Variants in GRIP1 observed in about 807,000 individuals in gnomAD.
GRIP1 encodes the protein glutamate receptor-interacting protein 1.
A neutral mutation model predicts 129.9 loss-of-function variants in GRIP1; 45 were observed. That is an observed-to-expected ratio of 0.35 (90% CI 0.27 to 0.44). The LOEUF is 0.44. Ranked by LOEUF, GRIP1 falls within the 20% of genes least tolerant of loss-of-function variation. GRIP1 has a pLI of 1.00. For synonymous variants in GRIP1, 530 were observed against 520.8 expected (o/e 1.02, Z -0.24); for missense variants, 1,196 against 1,396.8 (o/e 0.86, Z 2.29).
chr12:66,616,558 C>T (rs969440534), intron 1 of GRIP1, among the ~76,000 whole-genome samples: 9 of 152,216 alleles, frequency 5.9e-5, no homozygotes, highest in African/African-American at 2.2e-4. Flanking sequence ...ACACTCATGA[C>T]AGGCCTTATG....
At chr12:66,501,075 G>A (rs1005483609) in intron 7 of GRIP1, among the ~76,000 whole-genome samples, 1 of 152,160 alleles carries the variant, frequency 6.6e-6, no homozygotes, top group African/African-American at 2.4e-5. Context: ...GGAGACAGGG[G>A]ACTCAGTGGG....
intron 7 of GRIP1, among the ~76,000 whole-genome samples, chr12:66,508,360 A>T (rs1052577690): frequency 2.0e-5 from 3 of 152,206 alleles, no homozygotes; most frequent in African/African-American, 7.2e-5. Flanking sequence ...ATACTCAGAT[A>T]AAGATGATTG....
rs73315233 is a variant in GRIP1, at chr12:66,962,948, T to C, written c.58+106102A>G. 3.8e-3 allele frequency among the ~76,000 whole-genome samples: 578 copies of C among 152,306 alleles called. 5 individuals carry two copies. Among genetic ancestry groups the C allele is most frequent in the African/African-American group, 0.013 (558 of 41,568 alleles). On this transcript the variant is annotated intron_variant, in intron 1 of 1. Transcript: ENST00000643019. ...ACAATCCACATCTAGAGATCCATGG[T>C]TGATCTAGAAAGCTGCAAGCACAAA... is the stretch of plus-strand genomic sequence containing the variant.
intron 1 of GRIP1, among the ~76,000 whole-genome samples, chr12:66,938,389 GATA>G (rs1240349294): frequency 1.3e-5 from 2 of 152,004 alleles, no homozygotes; most frequent in South Asian, 2.1e-4. Flanking sequence ...TAATAATAAT[GATA>G]ATAATAATTT....
chr12:66,999,575 T>G (rs954148027), intron 1 of GRIP1, among the ~76,000 whole-genome samples: 1 of 152,082 alleles, frequency 6.6e-6, no homozygotes, highest in Non-Finnish European at 1.5e-5. Context: ...AAAGAGAAGA[T>G]TAAGTAAGTG....
intron 1 of GRIP1, among the ~76,000 whole-genome samples, chr12:66,903,566 G>A (rs2137280079): frequency 6.6e-6 from 1 of 152,220 alleles, no homozygotes; most frequent in East Asian, 1.9e-4. Context: ...TTGAGGTTAA[G>A]TTTTTAGTAT....
In GRIP1 at chr12:66,678,901, T is replaced by C. The variant is rs771248548; in HGVS notation, c.4A>G (p.Ile2Val). ...CAACGGCATTTAAAAGAGACAGCTA[T>C]CATTCTTGCTCACTGCTTTCTGTGG... M[I>V]AVSFKCRCQI... Residue 2 changes from isoleucine to valine, a missense_variant, in exon 1 of 25, where the codon ATA becomes GTA. By Grantham distance (29) the Ile-to-Val change is conservative (BLOSUM62 3). Around this residue, in one of 5 missense-constraint regions of GRIP1, gnomAD observed 217 missense variants for 224.8 expected, o/e 0.97. Transcript: ENST00000359742. 2 of 1,613,304 alleles carry C rather than the reference T, an allele frequency of 1.2e-6. No homozygotes were observed. The highest frequency in any genetic ancestry group is 2.2e-5 in the East Asian group (1 of 44,810).
At chr12:66,748,476 G>A (rs529890138) in intron 1 of GRIP1, among the ~76,000 whole-genome samples, 1 of 152,132 alleles carries the variant, frequency 6.6e-6, no homozygotes, top group Non-Finnish European at 1.5e-5. Context: ...GGTTCCCATG[G>A]TACTTGTTCT....
intron 1 of GRIP1, among the ~76,000 whole-genome samples, chr12:66,878,763 T>C (rs1208176757): frequency 6.6e-6 from 1 of 151,874 alleles, no homozygotes; most frequent in Non-Finnish European, 1.5e-5. Context: ...CAAGAAAGAA[T>C]ATATAATATG....
intron 13 of GRIP1, among the ~76,000 whole-genome samples, chr12:66,436,264 G>A (rs1361472520): frequency 1.3e-5 from 2 of 152,140 alleles, no homozygotes; most frequent in Non-Finnish European, 2.9e-5. Context: ...ATTCATCAAT[G>A]CAGACACCCT....
intron 24 of GRIP1, among the ~76,000 whole-genome samples, chr12:66,353,194 C>G (rs1035925495): frequency 6.6e-6 from 1 of 151,918 alleles, no homozygotes; most frequent in South Asian, 2.1e-4. Context: ...GAGCTCAGTG[C>G]CGAAAAAAAC....
At chr12:66,378,308 T>C (rs933005684) in intron 20 of GRIP1, among the ~76,000 whole-genome samples, 4 of 152,024 alleles carry the variant, frequency 2.6e-5, no homozygotes, top group African/African-American at 7.3e-5. Flanking sequence ...AAAAATTAGC[T>C]GGGCGTGTTG....
Position 66,679,066 on chromosome 12 carries a change from A to T in GRIP1, c.-162T>A. 6.6e-7 allele frequency: 1 copy of T among 1,520,170 alleles called. No homozygotes were observed. The highest frequency in any genetic ancestry group is 8.8e-7 in the Non-Finnish European group (1 of 1,133,614). The allele number at this position is 1,520,170 out of a possible 1,614,324, so 94.2% of individuals were successfully genotyped here. A position where few individuals can be genotyped will look rare whatever the true frequency, so the allele number is the denominator to read the frequency against. ...CTCTTGGCTGATGCAGAGGTCCGCT[A>T]CATGTCATCTGGCAAATCTGTGTCA... On this transcript the variant is annotated 5_prime_UTR_variant, in exon 1 of 25. An upstream open reading frame in the 5' UTR gains an earlier in-frame stop. Transcript: ENST00000359742.
chr12:66,991,590 CAT>C (rs1186743077), intron 1 of GRIP1, among the ~76,000 whole-genome samples: 1 of 152,060 alleles, frequency 6.6e-6, no homozygotes, highest in Admixed American at 6.5e-5. Flanking sequence ...TACAAGAAAA[CAT>C]AGAGAAAACT....
At chr12:66,943,916 A>G (rs1299904079) in intron 1 of GRIP1, among the ~76,000 whole-genome samples, 1 of 152,218 alleles carries the variant, frequency 6.6e-6, no homozygotes, top group African/African-American at 2.4e-5. Context: ...TCATAGGTTA[A>G]GTATTTTCTT....
chr12:66,959,101 T>C (rs1314166564), intron 1 of GRIP1, among the ~76,000 whole-genome samples: 1 of 152,226 alleles, frequency 6.6e-6, no homozygotes, highest in Non-Finnish European at 1.5e-5. Context: ...CATTTTTTAA[T>C]TGGTATACTT....
chr12:66,434,665 G>C (rs888815264), intron 13 of GRIP1, among the ~76,000 whole-genome samples: 1 of 152,172 alleles, frequency 6.6e-6, no homozygotes, highest in African/African-American at 2.4e-5. Context: ...TCCAATCTAT[G>C]CCTTTCCTGA....
chr12:66,772,879 C>T (rs2037862314), intron 1 of GRIP1, among the ~76,000 whole-genome samples: 1 of 152,138 alleles, frequency 6.6e-6, no homozygotes. Context: ...GGCCTGAGCA[C>T]AAGCTGGTAG....
In GRIP1 at chr12:66,445,411, C is replaced by A. The variant is rs1383006672; in HGVS notation, c.1452G>T (p.Gly484=). Residue 484 remains glycine (G), a synonymous_variant, in exon 12 of 25, where the codon GGG becomes GGT. Coordinates refer to ENST00000359742, the MANE Select transcript of GRIP1 (RefSeq NM_001366722.1). ...CAAACACACTGCCCTGCAGTTGGATCCCAAATCCTGTGACAGGATCTGCCG... is the reference window on the plus strand; with the variant it reads ...CAAACACACTGCCCTGCAGTTGGATACCAAATCCTGTGACAGGATCTGCCG... The part of the protein sequence containing the change: ...VLTADPVTGF[G]IQLQGSVFAT... 40 of 1,614,130 alleles carry A rather than the reference C, an allele frequency of 2.5e-5. No individual in the cohort carries two copies. Among genetic ancestry groups the A allele is most frequent in the Middle Eastern group, 1.7e-4 (1 of 6,060 alleles).
Sources: gnomAD v4.1 joint callset for allele counts (sites outside exome capture counted in the v4.1 genomes callset) on GRCh38, gnomAD v4.1.1 for gene constraint, gnomAD v4.1.1 regional missense constraint, MANE v1.5 for transcripts, NCBI Gene and HGNC (gene_info 2026-07-23, HGNC 2026-07-21) for gene names.